GUCY1A2: variants seen among roughly 807,000 people sequenced by gnomAD.
GUCY1A2 encodes the protein guanylate cyclase 1 soluble subunit alpha 2.
GUCY1A2 carries 27 observed loss-of-function variants against 63.5 expected under a neutral mutation model. The observed-to-expected ratio is 0.43, with a 90% CI of 0.31 to 0.59. The LOEUF is 0.59. GUCY1A2 is among the 20% of genes least tolerant of loss of function. The pLI is 0.11. For synonymous variants in GUCY1A2, 364 were observed against 343.5 expected (o/e 1.06, Z -0.66); for missense variants, 768 against 913.3 (o/e 0.84, Z 2.05).
chr11:106,979,464 A>G (rs1245023453), intron 2 of GUCY1A2, among the ~76,000 whole-genome samples: 3 of 151,812 alleles, frequency 2.0e-5, no homozygotes, highest in Admixed American at 6.6e-5. Context: ...CAAAAAAAAA[A>G]AAAAAAAAAA....
At chr11:106,838,957 C>T (rs1239680908) in intron 4 of GUCY1A2, among the ~76,000 whole-genome samples, 1 of 151,976 alleles carries the variant, frequency 6.6e-6, no homozygotes, top group African/African-American at 2.4e-5. Flanking sequence ...GTTTCTTTTG[C>T]TGTGCAGAAG....
intron 4 of GUCY1A2, among the ~76,000 whole-genome samples, chr11:106,876,818 CTGGTT>C (rs1440811838): frequency 6.6e-6 from 1 of 152,076 alleles, no homozygotes; most frequent in Non-Finnish European, 1.5e-5. Flanking sequence ...TTTGCTGATG[CTGGTT>C]TTCCACTGTG....
intron 1 of GUCY1A2, among the ~76,000 whole-genome samples, chr11:106,992,952 A>G (rs895302059): frequency 6.6e-6 from 1 of 152,128 alleles, no homozygotes; most frequent in Non-Finnish European, 1.5e-5. Context: ...TCCAAAAGCC[A>G]TTCTTTGCAT....
Position 106,675,936 on chromosome 11 carries a change from A to AC in GUCY1A2, c.*11612dup, listed in dbSNP as rs1413632115. On this transcript the variant is annotated 3_prime_UTR_variant, in exon 8 of 8. Coordinates refer to ENST00000526355, the MANE Select transcript of GUCY1A2 (RefSeq NM_000855.3). ...ACTACTTCATCTGTTAGAATTTAAG[A>AC]CCCCTGAGGTACATAACAGAAAAGT... The AC allele has an allele frequency of 4.7e-5, 9 of 190,626 alleles. No individual in the cohort carries two copies. The allele number at this position is 190,626 out of a possible 1,614,324, so 11.8% of individuals were successfully genotyped here.
At chr11:106,798,367 C>T (rs1232602038) in intron 5 of GUCY1A2, among the ~76,000 whole-genome samples, 2 of 152,136 alleles carry the variant, frequency 1.3e-5, no homozygotes, top group African/African-American at 4.8e-5. Context: ...CCTTCTGAAA[C>T]TATTCCAATC....
chr11:106,894,264 T>C (rs1300491033), intron 4 of GUCY1A2, among the ~76,000 whole-genome samples: 2 of 152,156 alleles, frequency 1.3e-5, no homozygotes, highest in Non-Finnish European at 2.9e-5. Context: ...CAATCCTTAA[T>C]GTGTATGTGC....
At chr11:106,872,427 C>A (rs1413682895) in intron 4 of GUCY1A2, among the ~76,000 whole-genome samples, 1 of 152,138 alleles carries the variant, frequency 6.6e-6, no homozygotes, top group Non-Finnish European at 1.5e-5. Flanking sequence ...AGACTATCTA[C>A]ATTCTGAGGC....
At chr11:106,901,056 CCA>C (rs1264719095) in intron 4 of GUCY1A2, among the ~76,000 whole-genome samples, 3 of 152,100 alleles carry the variant, frequency 2.0e-5, no homozygotes, top group Non-Finnish European at 2.9e-5. Context: ...AGCATTTTAC[CCA>C]CAGAGGAACT....
At chr11:106,859,753 G>C (rs1437955360) in intron 4 of GUCY1A2, among the ~76,000 whole-genome samples, 1 of 151,852 alleles carries the variant, frequency 6.6e-6, no homozygotes, top group Non-Finnish European at 1.5e-5. Flanking sequence ...TCTATGTTTA[G>C]ATATGTTTAG....
At chr11:106,977,670 A>T (rs1196471492) in intron 3 of GUCY1A2, among the ~76,000 whole-genome samples, 2 of 152,192 alleles carry the variant, frequency 1.3e-5, no homozygotes, top group Non-Finnish European at 2.9e-5. Flanking sequence ...TTGTAGGAGA[A>T]ACTCAGATGC....
intron 1 of GUCY1A2, among the ~76,000 whole-genome samples, chr11:106,986,997 G>A (rs911184906): frequency 1.3e-5 from 2 of 152,134 alleles, no homozygotes; most frequent in Non-Finnish European, 2.9e-5. Context: ...AGCCATGAAT[G>A]GGACACCAAG....
At chr11:106,878,320 AC>A (rs1047832633) in intron 4 of GUCY1A2, among the ~76,000 whole-genome samples, 3 of 152,118 alleles carry the variant, frequency 2.0e-5, no homozygotes, top group African/African-American at 7.2e-5. Context: ...TCATAAGGAC[AC>A]AAGGAACATC....
At chr11:106,884,508 G>A (rs184555523) in intron 4 of GUCY1A2, among the ~76,000 whole-genome samples, 8 of 152,228 alleles carry the variant, frequency 5.3e-5, no homozygotes, top group African/African-American at 1.4e-4. Context: ...CAGAGGAAAG[G>A]AAGGGCTGGG....
In GUCY1A2 at chr11:106,939,486, C is replaced by A. The variant is rs781319585; in HGVS notation, c.1180G>T (p.Ala394Ser). The A allele has an allele frequency of 1.3e-6, 2 of 1,597,704 alleles. No individual in the cohort carries two copies. The highest frequency in any genetic ancestry group is 1.7e-5 in the Admixed American group (1 of 59,702). The change falls in exon 4 of 8, where the codon GCT becomes TCT. Residue 394 changes from alanine (A) to serine (S), a missense_variant. This residue lies in a region of GUCY1A2 where 122 missense variants were observed against 238.1 expected (regional missense o/e 0.51). Transcript: ENST00000526355. ...TPFVIRTKPE[A>S]SGSENKDKVM... ...TTGTCTTTATTTTCAGAGCCAGAAG[C>A]CTCAGGCTTGGTTCTAATCACAAAC...
intron 6 of GUCY1A2, among the ~76,000 whole-genome samples, chr11:106,757,599 G>A (rs1863996872): frequency 6.6e-6 from 1 of 152,122 alleles, no homozygotes; most frequent in South Asian, 2.1e-4. Flanking sequence ...CCTTCTAACA[G>A]TCAGGCCCCT....
intron 4 of GUCY1A2, among the ~76,000 whole-genome samples, chr11:106,854,738 C>T (rs1368446663): frequency 6.6e-6 from 1 of 152,076 alleles, no homozygotes; most frequent in Non-Finnish European, 1.5e-5. Context: ...GCACTGGAGA[C>T]AGTCTGCCTA....
chr11:106,803,737 G>A (rs1026871993), intron 5 of GUCY1A2, among the ~76,000 whole-genome samples: 1 of 152,206 alleles, frequency 6.6e-6, no homozygotes, highest in Non-Finnish European at 1.5e-5. Flanking sequence ...ATGAGGCAGA[G>A]AGATTAAATA....
chr11:106,975,997 T>C (rs1158940415), intron 3 of GUCY1A2, among the ~76,000 whole-genome samples: 1 of 152,204 alleles, frequency 6.6e-6, no homozygotes, highest in African/African-American at 2.4e-5. Flanking sequence ...AATGCTCATT[T>C]TGGAAGGAGA....
In GUCY1A2 at chr11:106,891,264, T is replaced by C. The variant is rs78231679; in HGVS notation, c.1206+48196A>G. Among the ~76,000 whole-genome samples, 641 of 152,288 alleles carry C rather than the reference T, an allele frequency of 4.2e-3. 2 individuals carry two copies. Among genetic ancestry groups the C allele is most frequent in the African/African-American group, 0.015 (610 of 41,572 alleles). On this transcript the variant is annotated intron_variant, in intron 4 of 7. Transcript: ENST00000526355. ...ACTTTTTTGTCCATTTATTAAAAAA[T>C]AGCTGATCAAGCCTTTGCTTTTATT...
Sources: gnomAD v4.1 joint callset for allele counts (sites outside exome capture counted in the v4.1 genomes callset) on GRCh38, gnomAD v4.1.1 for gene constraint, gnomAD v4.1.1 regional missense constraint, MANE v1.5 for transcripts, NCBI Gene and HGNC (gene_info 2026-07-23, HGNC 2026-07-21) for gene names.